MBD5: variants seen among roughly 807,000 people sequenced by gnomAD.
The protein encoded by MBD5 is methyl-CpG-binding domain protein 5.
Under a neutral mutation model 117.3 loss-of-function variants are expected in MBD5, and 13 were observed. The ratio of observed to expected loss-of-function variants is 0.11; its 90% CI spans 0.07 to 0.18. MBD5 has a LOEUF of 0.18. Ranked by LOEUF, MBD5 falls within the 10% of genes least tolerant of loss-of-function variation. The pLI, the probability that MBD5 is intolerant of heterozygous loss-of-function variation, is 1.00. For missense variants in MBD5, 1,879 were observed against 2,093.8 expected (o/e 0.90, Z 2.00); for synonymous variants, 727 against 766.4 (o/e 0.95, Z 0.85).
At chr2:148,414,503 T>C (rs1371176276) in intron 4 of MBD5, among the ~76,000 whole-genome samples, 1 of 152,154 alleles carries the variant, frequency 6.6e-6, no homozygotes, top group East Asian at 1.9e-4. Context: ...CCAGTTCAGG[T>C]CCCAGATATC....
chr2:148,347,897 C>G (rs948533021), intron 4 of MBD5, among the ~76,000 whole-genome samples: 6 of 151,916 alleles, frequency 3.9e-5, no homozygotes, highest in African/African-American at 1.4e-4. Context: ...ACCCTACCCC[C>G]CAATGCCACT....
At chr2:148,390,599 G>A (rs925421046) in intron 4 of MBD5, among the ~76,000 whole-genome samples, 1 of 150,624 alleles carries the variant, frequency 6.6e-6, no homozygotes, top group Non-Finnish European at 1.5e-5. Flanking sequence ...TTTTTGAGAT[G>A]GGGTCTCACT....
chr2:148,109,434 G>A (rs1264536870), intron 1 of MBD5, among the ~76,000 whole-genome samples: 2 of 152,114 alleles, frequency 1.3e-5, no homozygotes, highest in East Asian at 3.8e-4. Flanking sequence ...CATCATAAGA[G>A]AATGGGTTGA....
At chr2:148,197,806 G>GTTTTTGTTTTTGT (rs1699030497) in intron 2 of MBD5, among the ~76,000 whole-genome samples, 3 of 92,520 alleles carry the variant, frequency 3.2e-5, no homozygotes, top group Admixed American at 1.3e-4. Flanking sequence ...TTTTTTTTTT[G>GTTTTTGTTTTTGT]TTTTTTTTTT....
At chr2:148,104,041 T>C (rs1410949255) in intron 1 of MBD5, among the ~76,000 whole-genome samples, 1 of 152,126 alleles carries the variant, frequency 6.6e-6, no homozygotes, top group Non-Finnish European at 1.5e-5. Flanking sequence ...TGACTAACTC[T>C]AATTTATTCT....
rs186868306 is a variant in MBD5, at chr2:148,362,424, C to T, written c.-557+20088C>T. Among the ~76,000 whole-genome samples, 3 of 152,320 alleles carry T rather than the reference C, an allele frequency of 2.0e-5. No individual in the cohort carries two copies. In the East Asian group the frequency reaches 5.8e-4, roughly 29 times the overall value. The stretch of plus-strand genomic sequence containing the variant: ...GCTCAGCAAAGCCACTGTAGCCAGA[C>T]TGCCTCTCTAGATCCCTCCTCTGTT... On this transcript the variant is annotated intron_variant, in intron 4 of 13. Coordinates refer to ENST00000642680, the MANE Select transcript of MBD5 (RefSeq NM_001378120.1).
chr2:148,329,012 TG>T (rs1344577556), intron 3 of MBD5, among the ~76,000 whole-genome samples: 1 of 152,238 alleles, frequency 6.6e-6, no homozygotes, highest in African/African-American at 2.4e-5. Context: ...ATTGAGAAAA[TG>T]TATACATACA....
At chr2:148,487,623 G>C (rs1681381097) in intron 10 of MBD5, among the ~76,000 whole-genome samples, 1 of 152,158 alleles carries the variant, frequency 6.6e-6, no homozygotes, top group African/African-American at 2.4e-5. Context: ...TGACTTAGTG[G>C]AATGCAGTTT....
At chr2:148,205,790 C>T (rs1312928908) in intron 2 of MBD5, among the ~76,000 whole-genome samples, 1 of 152,094 alleles carries the variant, frequency 6.6e-6, no homozygotes, top group Non-Finnish European at 1.5e-5. Flanking sequence ...CTGTTGGAGG[C>T]CAAGGCAGAC....
Position 148,357,449 on chromosome 2 carries a change from T to C in MBD5, c.-557+15113T>C, listed in dbSNP as rs1047753853. The stretch of plus-strand genomic sequence containing the variant: ...GTCATCTGCTTTTTTCTTCTGGCTT[T>C]TAGGATTTACTCTTTTTTTTTTTTC... On this transcript the variant is annotated intron_variant, in intron 4 of 13. Transcript: ENST00000642680. 3.0e-5 allele frequency among the ~76,000 whole-genome samples: 4 copies of C among 131,200 alleles called. No individual in the cohort carries two copies. The Admixed American group carries it at 3.2e-4, about 10-fold the overall frequency. The allele number at this position is 131,200 out of a possible 152,430, so 86.1% of individuals were successfully genotyped here.
At chr2:148,117,120 A>G (rs1017230556) in intron 1 of MBD5, among the ~76,000 whole-genome samples, 3 of 152,212 alleles carry the variant, frequency 2.0e-5, no homozygotes, top group African/African-American at 4.8e-5. Context: ...AGATATAACT[A>G]ACAAATAATT....
At position 148,469,113 on chromosome 2, in the gene MBD5, T is replaced by C. The variant is rs770619059; in HGVS notation, c.1170T>C (p.Pro390=). Residue 390 remains proline (P), a synonymous_variant, in exon 8 of 14, where the codon CCT becomes CCC. Coordinates refer to ENST00000642680, the MANE Select transcript of MBD5 (RefSeq NM_001378120.1). ...ATTCAAATGTCCACTCTCAGGTACC[T>C]ATGATGAATGTAAGCATGCCTCCTG... ...SFHSNVHSQV[P]MMNVSMPPAV... is the part of the protein sequence containing the mutation. 1.9e-6 allele frequency: 3 copies of C among 1,613,972 alleles called. No homozygotes were observed. The East Asian group carries it at 6.7e-5, about 36-fold the overall frequency.
intron 4 of MBD5, among the ~76,000 whole-genome samples, chr2:148,448,866 A>G (rs1169683225): frequency 1.3e-5 from 2 of 152,208 alleles, no homozygotes; most frequent in East Asian, 1.9e-4. Context: ...ATAAGATGTG[A>G]AAATTACCCC....
chr2:148,202,044 T>C (rs562962118), intron 2 of MBD5, among the ~76,000 whole-genome samples: 3 of 152,244 alleles, frequency 2.0e-5, no homozygotes, highest in South Asian at 2.1e-4. Flanking sequence ...GGCTTGAAGG[T>C]TGGGTTTCAC....
chr2:148,512,829 C>T (rs748338414), intron 13 of MBD5, 41 bp from the exon 14 acceptor site: 1 of 1,554,180 alleles, frequency 6.4e-7, no homozygotes. Context: ...GTGATTTCAT[C>T]CTCTGTTGTT....
At chr2:148,180,816 T>C (rs1698514619) in intron 2 of MBD5, among the ~76,000 whole-genome samples, 1 of 152,188 alleles carries the variant, frequency 6.6e-6, no homozygotes, top group African/African-American at 2.4e-5. Context: ...ATTTATAAAT[T>C]TTCCAGTCTC....
chr2:148,355,248 C>G (rs112934187), intron 4 of MBD5, among the ~76,000 whole-genome samples: 8,618 of 148,618 alleles, frequency 0.058, 767 homozygotes, highest in African/African-American at 0.2. Flanking sequence ...ATGATAGTTT[C>G]TTTTGCTATG....
At chr2:148,452,474 T>C (rs927378948) in intron 4 of MBD5, among the ~76,000 whole-genome samples, 11 of 152,064 alleles carry the variant, frequency 7.2e-5, no homozygotes, top group Non-Finnish European at 1.3e-4. Flanking sequence ...CCCTACAGCC[T>C]GGGCAATGGA....
At position 148,057,170 on chromosome 2, in the gene MBD5, A is replaced by G. The variant is rs1226179650; in HGVS notation, c.-925+35486A>G. The stretch of plus-strand genomic sequence containing the variant: ...TGAAAAGGAACCAGTTTTTTGTATT[A>G]CTGTTATTTTCTATTGTGTGCTATT... On this transcript the variant is annotated intron_variant, in intron 1 of 13. Transcript: ENST00000642680. Among the ~76,000 whole-genome samples, 3 of 151,700 alleles carry G rather than the reference A, an allele frequency of 2.0e-5. No homozygotes were observed. The East Asian group carries it at 5.8e-4, about 29-fold the overall frequency.
Sources: gnomAD v4.1 joint callset for allele counts (sites outside exome capture counted in the v4.1 genomes callset) on GRCh38, gnomAD v4.1.1 for gene constraint, MANE v1.5 for transcripts, NCBI Gene and HGNC (gene_info 2026-07-23, HGNC 2026-07-21) for gene names.